Variants in FAM20A observed in about 807,000 individuals in gnomAD.
FAM20A encodes pseudokinase FAM20A.
Under a neutral mutation model 52.0 loss-of-function variants are expected in FAM20A, and 42 were observed. The ratio of observed to expected loss-of-function variants is 0.81; its 90% CI spans 0.63 to 1.04. The LOEUF is 1.04. Ranked by LOEUF, FAM20A falls within the 50% of genes least tolerant of loss-of-function variation. FAM20A has a pLI of 0.00. For missense variants in FAM20A, 742 were observed against 712.7 expected, an observed-to-expected ratio of 1.04 and a Z score of -0.47; for synonymous variants, 304 against 298.9, an observed-to-expected ratio of 1.02 and a Z score of -0.18.
At chr17:68,550,610 A>T (rs1160461462) in intron 4 of FAM20A, among the ~76,000 whole-genome samples, 1 of 151,948 alleles carries the variant, frequency 6.6e-6, no homozygotes, top group Non-Finnish European at 1.5e-5. Context: ...CGAACTCCTG[A>T]CCTCAGGTGA....
intron 3 of FAM20A, among the ~76,000 whole-genome samples, chr17:68,554,067 C>CACACAT (rs200418666): frequency 3.2e-5 from 3 of 93,566 alleles, no homozygotes; most frequent in African/African-American, 7.8e-5. Context: ...CATATACACA[C>CACACAT]ATATACACAC....
rs997160180 is a variant in FAM20A, at chr17:68,536,145, G to A, written c.*1332C>T. On this transcript the variant is annotated 3_prime_UTR_variant, in exon 11 of 11. Coordinates refer to ENST00000592554, the MANE Select transcript of FAM20A (RefSeq NM_017565.4). ...TACCACGGGGTCAGAAGTGTTATTT[G>A]TCCAGTCGAGGCTATCTTTGCTCAC... 2 of 453,990 alleles carry A rather than the reference G, an allele frequency of 4.4e-6. No individual in the cohort carries two copies. The highest frequency in any genetic ancestry group is 2.0e-5 in the African/African-American group (1 of 50,004). 28.1% of individuals were successfully genotyped at this position (453,990 alleles called of 1,614,324 possible). A position where few individuals can be genotyped will look rare whatever the true frequency, so the allele number is the denominator to read the frequency against.
At chr17:68,598,726 C>T (rs2088527811) in intron 1 of FAM20A, among the ~76,000 whole-genome samples, 2 of 152,190 alleles carry the variant, frequency 1.3e-5, no homozygotes, top group Non-Finnish European at 2.9e-5. Context: ...TTCCCCTGGA[C>T]TTTGCTTCGG....
intron 1 of FAM20A, among the ~76,000 whole-genome samples, chr17:68,573,411 C>T (rs2087620116): frequency 1.3e-5 from 2 of 152,128 alleles, no homozygotes; most frequent in South Asian, 4.1e-4. Flanking sequence ...AATAACACTT[C>T]TCCCTTTCCC....
intron 1 of FAM20A, among the ~76,000 whole-genome samples, chr17:68,570,129 G>A (rs1232727485): frequency 1.3e-5 from 2 of 152,180 alleles, no homozygotes; most frequent in East Asian, 3.8e-4. Context: ...AGGCTGGAGT[G>A]CAGTGGCATG....
chr17:68,547,416 G>C (rs183221303), intron 4 of FAM20A, among the ~76,000 whole-genome samples: 14 of 152,270 alleles, frequency 9.2e-5, no homozygotes, highest in African/African-American at 3.1e-4. Context: ...GTCCCAGATG[G>C]TATCTTCTTC....
chr17:68,583,388 CTGTTT>C (rs1394900410), intron 1 of FAM20A, among the ~76,000 whole-genome samples: 4 of 152,104 alleles, frequency 2.6e-5, no homozygotes, highest in African/African-American at 9.7e-5. Flanking sequence ...CCCTTCTTTG[CTGTTT>C]CTGTCTTCTG....
intron 1 of FAM20A, 97 bp from the exon 2 acceptor site, chr17:68,555,840 C>T: frequency 7.2e-7 from 1 of 1,382,956 alleles, no homozygotes; most frequent in Non-Finnish European, 1.0e-6. Context: ...TTCATTTATT[C>T]CACAAGTGTA....
In FAM20A at chr17:68,572,008, A is replaced by T. The variant is rs1598051675; in HGVS notation, c.405-16265T>A. ...CATACATATATATATATATATATAT[A>T]TATATATATATATATATATATATAT... On this transcript the variant is annotated intron_variant, in intron 1 of 10. Transcript: ENST00000592554. 8.8e-5 allele frequency among the ~76,000 whole-genome samples: 4 copies of T among 45,284 alleles called. No homozygotes were observed. In the South Asian group the frequency reaches 1.8e-3, roughly 20 times the overall value. 29.7% of individuals were successfully genotyped at this position (45,284 alleles called of 152,430 possible).
At chr17:68,566,962 G>A (rs1004449104) in intron 1 of FAM20A, among the ~76,000 whole-genome samples, 4 of 152,120 alleles carry the variant, frequency 2.6e-5, no homozygotes, top group African/African-American at 9.7e-5. Context: ...AGTCTACCTT[G>A]GTCTGTCATT....
chr17:68,540,319 C>T (rs1177597875), intron 8 of FAM20A, among the ~76,000 whole-genome samples: 1 of 152,194 alleles, frequency 6.6e-6, no homozygotes, highest in Non-Finnish European at 1.5e-5. Flanking sequence ...CTCAGCTGAT[C>T]CTGGTTATAG....
chr17:68,540,977 C>T lies in FAM20A; in HGVS notation c.1110-19G>A, dbSNP rs1364455094. The T allele has an allele frequency of 1.9e-6, 3 of 1,565,556 alleles. No homozygotes were observed. The highest frequency in any genetic ancestry group is 2.7e-5 in the African/African-American group (2 of 74,014). ...CTCCCACCTGAGGGGGAGAAGAAGT[C>T]CTGGGGCTGGAAAAGCCAAGATGGC... On this transcript the variant is annotated intron_variant, in intron 7 of 10. Transcript: ENST00000592554.
At chr17:68,548,649 C>G (rs1184252684) in intron 4 of FAM20A, among the ~76,000 whole-genome samples, 1 of 151,714 alleles carries the variant, frequency 6.6e-6, no homozygotes, top group Non-Finnish European at 1.5e-5. Context: ...TTGCCACAAG[C>G]CTTCACTTTG....
In FAM20A at chr17:68,535,875, A is replaced by C. The variant is rs1302169381; in HGVS notation, c.*1602T>G. The C allele has an allele frequency of 2.2e-6, 1 of 454,016 alleles. No individual in the cohort carries two copies. Among genetic ancestry groups the C allele is most frequent in the Admixed American group, 2.3e-5 (1 of 42,566 alleles). 28.1% of individuals were successfully genotyped at this position (454,016 alleles called of 1,614,324 possible). ...GGGATACTGTTGGGTTTTGTGTTAC[A>C]GTGAAAAGAAGACTTTGGAATAGGT... On this transcript the variant is annotated 3_prime_UTR_variant, in exon 11 of 11. Transcript: ENST00000592554.
chr17:68,542,918 G>A (rs1186996860), intron 5 of FAM20A, 109 bp from the exon 6 acceptor site: 1 of 841,916 alleles, frequency 1.2e-6, no homozygotes, highest in Non-Finnish European at 2.0e-6. Flanking sequence ...TACCCAGGAG[G>A]GTGGCCGGTG....
At chr17:68,585,756 C>T (rs767536738) in intron 1 of FAM20A, among the ~76,000 whole-genome samples, 10 of 152,152 alleles carry the variant, frequency 6.6e-5, no homozygotes, top group South Asian at 2.1e-4. Context: ...TCACCACGAT[C>T]GCGAATGGGT....
intron 1 of FAM20A, among the ~76,000 whole-genome samples, chr17:68,591,301 G>T (rs958374278): frequency 6.6e-6 from 1 of 152,076 alleles, no homozygotes; most frequent in Non-Finnish European, 1.5e-5. Context: ...GGGTTTCACC[G>T]TGTTAGCCAG....
intron 1 of FAM20A, among the ~76,000 whole-genome samples, chr17:68,578,610 C>G (rs2087842047): frequency 6.6e-6 from 1 of 151,936 alleles, no homozygotes; most frequent in Non-Finnish European, 1.5e-5. Flanking sequence ...CTTTGTGTTC[C>G]TTGCCTCAGA....
intron 4 of FAM20A, among the ~76,000 whole-genome samples, chr17:68,549,012 G>A (rs370791155): frequency 1.3e-5 from 2 of 152,180 alleles, no homozygotes; most frequent in East Asian, 3.9e-4. Flanking sequence ...GATTACAGGC[G>A]TGAGCCACCG....
Sources: allele counts gnomAD v4.1 joint callset (sites outside exome capture counted in the v4.1 genomes callset), GRCh38; gene constraint gnomAD v4.1.1; transcripts MANE v1.5; gene names NCBI Gene and HGNC (gene_info 2026-07-23, HGNC 2026-07-21).